ROBO1: variants seen among roughly 807,000 people sequenced by gnomAD.
The protein encoded by ROBO1 is roundabout homolog 1.
Under a neutral mutation model 195.9 loss-of-function variants are expected in ROBO1, and 149 were observed. That is an observed-to-expected ratio of 0.76 (90% CI 0.67 to 0.87). The LOEUF is 0.87. Ranked by LOEUF, ROBO1 falls within the 40% of genes least tolerant of loss-of-function variation. ROBO1 has a pLI of 0.00. For missense variants in ROBO1, 1,933 were observed against 2,068.3 expected (o/e 0.93, Z 1.27); for synonymous variants, 816 against 733.2 (o/e 1.11, Z -1.82).
At chr3:78,788,653 A>C (rs562136083) in intron 4 of ROBO1, among the ~76,000 whole-genome samples, 3 of 152,130 alleles carry the variant, frequency 2.0e-5, no homozygotes, top group Admixed American at 2.0e-4. Context: ...CTAATAGTTT[A>C]CCATATCTTA....
At chr3:79,206,826 ATAATT>A (rs1202777894) in intron 2 of ROBO1, among the ~76,000 whole-genome samples, 8 of 152,212 alleles carry the variant, frequency 5.3e-5, no homozygotes, top group African/African-American at 1.9e-4. Context: ...TTTTGAGAAA[ATAATT>A]TAATTTTAAC....
At chr3:78,685,665 G>C (rs1275427015) in intron 10 of ROBO1, 81 bp downstream of exon 10, 2 of 958,008 alleles carry the variant, frequency 2.1e-6, no homozygotes, top group East Asian at 2.7e-5. Context: ...TATAAAGTTG[G>C]AAATAAATAT....
At chr3:78,902,292 T>C (rs1311157466) in intron 4 of ROBO1, among the ~76,000 whole-genome samples, 1 of 152,196 alleles carries the variant, frequency 6.6e-6, no homozygotes, top group Non-Finnish European at 1.5e-5. Context: ...AATTAAAGAA[T>C]AAATGTAAGC....
intron 2 of ROBO1, among the ~76,000 whole-genome samples, chr3:79,464,628 T>C (rs1329968332): frequency 6.6e-6 from 1 of 151,900 alleles, no homozygotes; most frequent in Admixed American, 6.5e-5. Context: ...ATTTTTTATA[T>C]TGTTTGGATA....
intron 2 of ROBO1, among the ~76,000 whole-genome samples, chr3:79,499,504 A>G (rs1939938961): frequency 6.6e-6 from 1 of 152,164 alleles, no homozygotes; most frequent in Non-Finnish European, 1.5e-5. Flanking sequence ...CATATTTTAC[A>G]TTGTGGTATA....
intron 3 of ROBO1, among the ~76,000 whole-genome samples, chr3:79,034,221 G>A (rs990826555): frequency 6.6e-6 from 1 of 152,144 alleles, no homozygotes; most frequent in Non-Finnish European, 1.5e-5. Context: ...ATTCACAAGT[G>A]AGGTTTAAAA....
intron 2 of ROBO1, among the ~76,000 whole-genome samples, chr3:79,194,614 T>C (rs1253898652): frequency 1.3e-5 from 2 of 151,656 alleles, no homozygotes; most frequent in Non-Finnish European, 3.0e-5. Context: ...TATAGACGTA[T>C]AAATGCCGCA....
chr3:79,581,727 C>A (rs998788062), intron 2 of ROBO1, among the ~76,000 whole-genome samples: 26 of 151,968 alleles, frequency 1.7e-4, no homozygotes, highest in African/African-American at 6.3e-4. Context: ...CAAATTTATA[C>A]ATATAAACAC....
intron 3 of ROBO1, among the ~76,000 whole-genome samples, chr3:79,070,229 C>T (rs1458889318): frequency 6.6e-6 from 1 of 151,852 alleles, no homozygotes; most frequent in Non-Finnish European, 1.5e-5. Flanking sequence ...CTGATTTTAC[C>T]ACCTTGAACA....
In ROBO1 at chr3:78,830,870, C is replaced by T. The variant is rs75155281; in HGVS notation, c.500-83970G>A. ...CTCCACAGCTTCTACTTTGGTAACT[C>T]TGTTTTGTTGTTTTTTGTGTTTTTT... On this transcript the variant is annotated intron_variant, in intron 4 of 30. Transcript: ENST00000464233. 7.1e-3 allele frequency among the ~76,000 whole-genome samples: 1,075 copies of T among 151,840 alleles called. 16 individuals carry two copies. The highest frequency in any genetic ancestry group is 0.025 in the African/African-American group (1,016 of 41,358).
intron 2 of ROBO1, among the ~76,000 whole-genome samples, chr3:79,412,874 ATTTTTTTTTTTTTTTTTTTTTT>A (rs1167482550): frequency 2.6e-5 from 1 of 38,338 alleles, no homozygotes; most frequent in South Asian, 1.5e-3. Context: ...TCATGAGCTG[ATTTTTTTTTTTTTTTTTTTTTT>A]TTTTTTTTTT....
intron 29 of ROBO1, among the ~76,000 whole-genome samples, chr3:78,605,844 TTACTC>T (rs1189868430): frequency 1.3e-5 from 2 of 152,202 alleles, no homozygotes; most frequent in Non-Finnish European, 1.5e-5. Context: ...CTTTTTTTGT[TTACTC>T]TATTATTTCA....
chr3:79,435,096 G>C (rs2038838137), intron 2 of ROBO1, among the ~76,000 whole-genome samples: 2 of 152,044 alleles, frequency 1.3e-5, no homozygotes, highest in South Asian at 4.2e-4. Flanking sequence ...ATAGCATTAG[G>C]AAATATACCT....
At chr3:79,683,185 C>T (rs144361551) in intron 1 of ROBO1, among the ~76,000 whole-genome samples, 1 of 151,886 alleles carries the variant, frequency 6.6e-6, no homozygotes. Flanking sequence ...TTTAATGTCT[C>T]CAAATTTAAA....
At chr3:79,608,629 C>T (rs1944562064) in intron 1 of ROBO1, among the ~76,000 whole-genome samples, 1 of 151,908 alleles carries the variant, frequency 6.6e-6, no homozygotes, top group Admixed American at 6.6e-5. Flanking sequence ...TCCTATAAAA[C>T]TAACCAGATT....
intron 8 of ROBO1, among the ~76,000 whole-genome samples, chr3:78,699,026 G>A (rs977088716): frequency 5.9e-5 from 9 of 152,054 alleles, no homozygotes; most frequent in African/African-American, 1.9e-4. Flanking sequence ...TATTCCCTAC[G>A]TCCACTTAGA....
chr3:79,705,924 T>G (rs2107190672), intron 1 of ROBO1, among the ~76,000 whole-genome samples: 1 of 152,246 alleles, frequency 6.6e-6, no homozygotes, highest in East Asian at 1.9e-4. Context: ...CCATTTTTGG[T>G]GCTGATATGA....
intron 2 of ROBO1, among the ~76,000 whole-genome samples, chr3:79,422,490 C>A (rs1179704407): frequency 6.6e-6 from 1 of 152,064 alleles, no homozygotes; most frequent in African/African-American, 2.4e-5. Context: ...CTAAAGACTT[C>A]GTTGATGTAC....
chr3:79,724,072 G>GT (rs1271855278), intron 1 of ROBO1, among the ~76,000 whole-genome samples: 1 of 152,146 alleles, frequency 6.6e-6, no homozygotes, highest in Non-Finnish European at 1.5e-5. Context: ...ATCTTTTACA[G>GT]TCTTCGTTGT....
Sources: gnomAD v4.1 joint callset for allele counts (sites outside exome capture counted in the v4.1 genomes callset) on GRCh38, gnomAD v4.1.1 for gene constraint, MANE v1.5 for transcripts, NCBI Gene and HGNC (gene_info 2026-07-23, HGNC 2026-07-21) for gene names.